The following PGM5 variants were observed in gnomAD, a reference collection of about 807,000 sequenced individuals.
PGM5 encodes the protein phosphoglucomutase 5, also known as phosphoglucomutase-like protein 5.
PGM5 carries 23 observed loss-of-function variants against 59.2 expected under a neutral mutation model. The ratio of observed to expected loss-of-function variants is 0.39; its 90% CI spans 0.28 to 0.55. The LOEUF (loss-of-function observed/expected upper bound fraction) is 0.55, where lower values mean the gene tolerates loss of function less well. Among genes scored for constraint, PGM5 ranks in the 20% least tolerant of loss-of-function variants. PGM5 has a pLI of 0.66. For synonymous variants in PGM5, 214 were observed against 286.0 expected (o/e 0.75, Z 2.54); for missense variants, 574 against 748.3 (o/e 0.77, Z 2.72).
chr9:68,481,878 G>A (rs1824202457), intron 8 of PGM5, among the ~76,000 whole-genome samples: 1 of 152,116 alleles, frequency 6.6e-6, no homozygotes, highest in East Asian at 1.9e-4. Context: ...CCAGCAAATG[G>A]CAAATTAGAA....
intron 1 of PGM5, among the ~76,000 whole-genome samples, chr9:68,358,741 G>C (rs1457795191): frequency 1.3e-5 from 2 of 151,478 alleles, no homozygotes; most frequent in African/African-American, 2.4e-5. Context: ...TGCAGGGATG[G>C]GGAAAGAGGA....
At chr9:68,475,263 G>A (rs931407570) in intron 7 of PGM5, among the ~76,000 whole-genome samples, 10 of 141,782 alleles carry the variant, frequency 7.1e-5, no homozygotes, top group African/African-American at 2.7e-4. Context: ...TCAAACTCCT[G>A]ACCTCAGGTG....
At chr9:68,517,111 C>T (rs1454583707) in intron 10 of PGM5, among the ~76,000 whole-genome samples, 1 of 151,510 alleles carries the variant, frequency 6.6e-6, no homozygotes, top group Non-Finnish European at 1.5e-5. Flanking sequence ...CTCAAATTCC[C>T]GACTTCAGGT....
intron 10 of PGM5, among the ~76,000 whole-genome samples, chr9:68,506,279 A>G (rs1256323267): frequency 2.0e-5 from 3 of 152,202 alleles, no homozygotes; most frequent in African/African-American, 7.2e-5. Context: ...TTTTCAAAAT[A>G]TGTTCAAATA....
rs561073718 is a variant in PGM5 at position 68,469,658 on chromosome 9, A to G, written c.1159+4450A>G. ...CTGGATGCTTCCATGCATGGATTCC[A>G]TGCCAATATTGTAAATGCCCTGAAG... On this transcript the variant is annotated intron_variant, in intron 7 of 10. Coordinates refer to ENST00000396396, the MANE Select transcript of PGM5 (RefSeq NM_021965.4). 4.6e-5 allele frequency among the ~76,000 whole-genome samples: 7 copies of G among 152,222 alleles called. No individual in the cohort carries two copies. In the East Asian group the frequency reaches 1.3e-3, roughly 29 times the overall value.
chr9:68,373,334 T>G (rs576316864), intron 1 of PGM5, among the ~76,000 whole-genome samples: 3 of 152,090 alleles, frequency 2.0e-5, no homozygotes, highest in Admixed American at 6.6e-5. Flanking sequence ...AGATCTCACA[T>G]AGGTAAAATT....
chr9:68,382,314 A>G (rs1446972805), intron 2 of PGM5, among the ~76,000 whole-genome samples: 2 of 151,730 alleles, frequency 1.3e-5, no homozygotes, highest in African/African-American at 4.8e-5. Context: ...GAAAACAAAA[A>G]TGTAAAAGAA....
At chr9:68,487,900 G>A (rs953098029) in intron 9 of PGM5, among the ~76,000 whole-genome samples, 1 of 152,072 alleles carries the variant, frequency 6.6e-6, no homozygotes, top group Non-Finnish European at 1.5e-5. Flanking sequence ...CCTCCTTGCT[G>A]GGTTATCTTA....
intron 2 of PGM5, among the ~76,000 whole-genome samples, chr9:68,379,342 A>G (rs1356989643): frequency 6.6e-6 from 1 of 152,198 alleles, no homozygotes; most frequent in African/African-American, 2.4e-5. Flanking sequence ...ACCATTATAA[A>G]TTATTCCTCA....
At chr9:68,498,485 C>A (rs1487166876) in intron 9 of PGM5, 1 of 152,202 alleles carries the variant, frequency 6.6e-6, no homozygotes, top group Non-Finnish European at 1.5e-5. Flanking sequence ...TTTTTCCCTA[C>A]CCACCTCTTA....
chr9:68,386,248 G>A lies in PGM5; in HGVS notation c.572-1215G>A, dbSNP rs556852329. Among the ~76,000 whole-genome samples the A allele has an allele frequency of 2.4e-3, 369 of 152,046 alleles. 3 individuals are homozygous for A. Among genetic ancestry groups the A allele is most frequent in the African/African-American group, 8.5e-3 (352 of 41,508 alleles). ...CTTACAGATTAATTTTTTTATGGTG[G>A]TAAAATATACATAACAAAATTTACC... On this transcript the variant is annotated intron_variant, in intron 3 of 10. Coordinates refer to ENST00000396396, the MANE Select transcript of PGM5 (RefSeq NM_021965.4).
chr9:68,417,561 A>T (rs998403663), intron 6 of PGM5, among the ~76,000 whole-genome samples: 2 of 152,274 alleles, frequency 1.3e-5, no homozygotes, highest in African/African-American at 4.8e-5. Context: ...AAAATATAGG[A>T]TAGGCATTTT....
At chr9:68,517,197 T>C (rs1243303784) in intron 10 of PGM5, among the ~76,000 whole-genome samples, 2 of 152,092 alleles carry the variant, frequency 1.3e-5, no homozygotes, top group Non-Finnish European at 2.9e-5. Context: ...TTCTGTGTTG[T>C]AGTCATGAGC....
intron 10 of PGM5, among the ~76,000 whole-genome samples, chr9:68,513,553 G>A (rs1824783296): frequency 1.3e-5 from 2 of 152,208 alleles, no homozygotes; most frequent in Non-Finnish European, 2.9e-5. Context: ...GTGACCCCAA[G>A]CCAGGGAGTG....
intron 10 of PGM5, among the ~76,000 whole-genome samples, chr9:68,509,718 T>G (rs1242204987): frequency 2.0e-5 from 3 of 152,070 alleles, no homozygotes; most frequent in Non-Finnish European, 4.4e-5. Flanking sequence ...ATGAGAAGGT[T>G]TAGGATTAGC....
chr9:68,477,480 C>A (rs1272428043), intron 7 of PGM5, among the ~76,000 whole-genome samples: 2 of 152,178 alleles, frequency 1.3e-5, no homozygotes, highest in African/African-American at 4.8e-5. Flanking sequence ...TTGCGTCTCC[C>A]TTGTTGGTTT....
chr9:68,506,605 A>G (rs2132110150), intron 10 of PGM5, among the ~76,000 whole-genome samples: 1 of 152,374 alleles, frequency 6.6e-6, no homozygotes, highest in South Asian at 2.1e-4. Context: ...GAAAATAATA[A>G]TGTTCTAAAT....
At chr9:68,476,937 T>C (rs1430748398) in intron 7 of PGM5, among the ~76,000 whole-genome samples, 1 of 152,226 alleles carries the variant, frequency 6.6e-6, no homozygotes, top group Non-Finnish European at 1.5e-5. Context: ...GCAAAGCCCA[T>C]GTTTTAGAAC....
In PGM5 at chr9:68,437,202, T is replaced by C. The variant is rs2132060253; in HGVS notation, c.1044-27891T>C. 6.6e-6 allele frequency among the ~76,000 whole-genome samples: 1 copy of C among 152,334 alleles called. No individual in the cohort carries two copies. Among genetic ancestry groups the C allele is most frequent in the South Asian group, 2.1e-4 (1 of 4,830 alleles). ...CTGTCAGTGACATGCAAATTAAAAA[T>C]TCTTGGCAACATAGATTAATGATCA... On this transcript the variant is annotated intron_variant, in intron 6 of 10. Transcript: ENST00000396396. This position sits in a 1 kb window ranked among gnomAD's most constrained non-coding sequence, Gnocchi z 4.1.
Sources: allele counts gnomAD v4.1 joint callset (sites outside exome capture counted in the v4.1 genomes callset), GRCh38; gene constraint gnomAD v4.1.1; non-coding constraint Gnocchi (gnomAD v3.1); transcripts MANE v1.5; gene names NCBI Gene and HGNC (gene_info 2026-07-23, HGNC 2026-07-21).